PLAC1: variants seen among roughly 807,000 people sequenced by gnomAD.
PLAC1 encodes the protein placenta associated 1.
For missense variants in PLAC1, 136 were observed against 163.2 expected, an observed-to-expected ratio of 0.83 and a Z score of 0.91; for synonymous variants, 68 against 62.1, an observed-to-expected ratio of 1.09 and a Z score of -0.44.
intron 1 of PLAC1, among the ~76,000 whole-genome samples, chrX:134,611,514 C>CAGACAT (rs1416937340): frequency 1.8e-3 from 73 of 40,862 alleles, no homozygotes; most frequent in Non-Finnish European, 2.4e-3. Context: ...TATACACACA[C>CAGACAT]ACACATACAT....
chrX:134,745,650 G>A (rs962379890), intron 1 of PLAC1, among the ~76,000 whole-genome samples: 1 of 111,945 alleles, frequency 8.9e-6, no homozygotes, highest in African/African-American at 3.2e-5. Flanking sequence ...CATATCCGCA[G>A]TAACAGGAAT....
chrX:134,726,821 C>CA (rs749819041), intron 2 of PLAC1, among the ~76,000 whole-genome samples: 2,141 of 42,766 alleles, frequency 0.05, 227 homozygotes, highest in African/African-American at 0.17. Context: ...GACTCTGTCT[C>CA]AAAAAAAAAA....
At chrX:134,695,211 T>A (rs753947775) in intron 2 of PLAC1, among the ~76,000 whole-genome samples, 1 of 112,331 alleles carries the variant, frequency 8.9e-6, no homozygotes, top group South Asian at 3.7e-4. Context: ...CAAGATCCAG[T>A]TAAATTTGGT....
In PLAC1 at chrX:134,565,939, CA is replaced by C; in HGVS notation, c.*104del. On this transcript the variant is annotated 3_prime_UTR_variant, in exon 3 of 3. Transcript: ENST00000359237. ...GAAGTTGCTATAGGTTTCTCTTTCT[CA>C]AAAGTGCTCACATGAGGGTCACAAG... 1 of 645,751 alleles carries C rather than the reference CA, an allele frequency of 1.5e-6. No homozygotes were observed. Among genetic ancestry groups the C allele is most frequent in the Non-Finnish European group, 2.4e-6 (1 of 424,388 alleles). The allele number at this position is 645,751 out of a possible 1,213,427, so 53.2% of individuals were successfully genotyped here. A position where few individuals can be genotyped will look rare whatever the true frequency, so the allele number is the denominator to read the frequency against.
At chrX:134,583,222 T>C (rs1013554673) in intron 2 of PLAC1, among the ~76,000 whole-genome samples, 6 of 97,332 alleles carry the variant, frequency 6.2e-5, no homozygotes, top group Admixed American at 1.2e-4. Context: ...TCTGGACTTT[T>C]GATATAATGA....
chrX:134,635,756 G>C (rs1373270855), intron 1 of PLAC1, among the ~76,000 whole-genome samples: 2 of 111,796 alleles, frequency 1.8e-5, no homozygotes, highest in African/African-American at 3.3e-5. Flanking sequence ...AATCTCATCA[G>C]GATTTTGTTT....
intron 2 of PLAC1, among the ~76,000 whole-genome samples, chrX:134,664,007 C>T (rs1370306100): frequency 8.9e-6 from 1 of 111,819 alleles, no homozygotes; most frequent in Non-Finnish European, 1.9e-5. Flanking sequence ...ATGGACCTGG[C>T]GTGTGCCTCT....
intron 2 of PLAC1, among the ~76,000 whole-genome samples, chrX:134,691,284 G>A (rs1294649638): frequency 3.7e-5 from 4 of 108,413 alleles, no homozygotes; most frequent in Non-Finnish European, 7.6e-5. Context: ...GTGGAAGAGT[G>A]GCAAGAAGTT....
intron 2 of PLAC1, among the ~76,000 whole-genome samples, chrX:134,681,670 G>A (rs1003675631): frequency 1.8e-5 from 2 of 111,301 alleles, no homozygotes; most frequent in African/African-American, 6.5e-5. Flanking sequence ...TAAGCCCCAT[G>A]AAGGCAGAGA....
intron 2 of PLAC1, among the ~76,000 whole-genome samples, chrX:134,704,668 AAATAT>A (rs2078596012): frequency 9.5e-6 from 1 of 105,288 alleles, no homozygotes; most frequent in South Asian, 3.9e-4. Flanking sequence ...ATATTATATG[AAATAT>A]AATATAAAGT....
At chrX:134,612,636 A>G (rs1401774551) in intron 1 of PLAC1, among the ~76,000 whole-genome samples, 2 of 112,012 alleles carry the variant, frequency 1.8e-5, no homozygotes, top group East Asian at 2.8e-4. Context: ...AAGGAAATAC[A>G]CAGTCTCCAT....
chrX:134,587,808 A>G (rs1477692037), intron 2 of PLAC1, among the ~76,000 whole-genome samples: 1 of 112,048 alleles, frequency 8.9e-6, no homozygotes, highest in Non-Finnish European at 1.9e-5. Context: ...CGTGGCTCGC[A>G]GGCATCTTAA....
chrX:134,567,510 T>G (rs73564382), intron 2 of PLAC1, among the ~76,000 whole-genome samples: 4,736 of 111,277 alleles, frequency 0.043, 228 homozygotes, highest in African/African-American at 0.14. Context: ...AATCCCAGCA[T>G]TCTAGGAAGC....
At chrX:134,595,289 A>G (rs2078057216) in intron 2 of PLAC1, among the ~76,000 whole-genome samples, 1 of 110,520 alleles carries the variant, frequency 9.0e-6, no homozygotes, top group African/African-American at 3.3e-5. Context: ...AATATGGTCT[A>G]TCTTGTTCTA....
chrX:134,648,102 T>C (rs2078343554), intron 1 of PLAC1, among the ~76,000 whole-genome samples: 1 of 111,509 alleles, frequency 9.0e-6, no homozygotes, highest in South Asian at 3.8e-4. Context: ...TAAAAATTCA[T>C]TCCTTTTATT....
intron 2 of PLAC1, among the ~76,000 whole-genome samples, chrX:134,584,491 C>T (rs950407821): frequency 1.8e-4 from 20 of 111,391 alleles, no homozygotes; most frequent in African/African-American, 6.5e-4. Flanking sequence ...GAGTGGACAC[C>T]TGTGCACACA....
Position 134,740,878 on chromosome X carries a change from A to G in PLAC1, n.90-7359T>C, listed in dbSNP as rs1363045560. Among the ~76,000 whole-genome samples, 27 of 112,075 alleles carry G rather than the reference A, an allele frequency of 2.4e-4. No individual in the cohort carries two copies. In the Admixed American group the frequency reaches 2.4e-3, roughly 10 times the overall value. ...AAGAGGTAAGGAAGGATTCTCCCCT[A>G]CAGCCCCTGGAGGAAGCACAGCCCT... On this transcript the variant is annotated intron_variant and non_coding_transcript_variant, in intron 1 of 2. Coordinates refer to the PLAC1 transcript ENST00000466797.
chrX:134,684,429 A>AC (rs2078509121), intron 2 of PLAC1, among the ~76,000 whole-genome samples: 1 of 86,939 alleles, frequency 1.2e-5, no homozygotes, highest in Non-Finnish European at 2.4e-5. Flanking sequence ...AAAAAAAAAA[A>AC]AAAACACTCT....
intron 2 of PLAC1, among the ~76,000 whole-genome samples, chrX:134,687,830 A>G (rs1294637891): frequency 2.9e-4 from 7 of 24,391 alleles, no homozygotes; most frequent in Non-Finnish European, 7.1e-4. Context: ...ATATATATAT[A>G]TATATATATA....
Sources: allele counts gnomAD v4.1 joint callset (sites outside exome capture counted in the v4.1 genomes callset), GRCh38; gene constraint gnomAD v4.1.1; transcripts MANE v1.5; gene names NCBI Gene and HGNC (gene_info 2026-07-23, HGNC 2026-07-21).